SPAG16: variants seen among roughly 807,000 people sequenced by gnomAD.
SPAG16 encodes the protein sperm associated antigen 16.
In SPAG16, 86 loss-of-function variants were observed where a neutral mutation model predicts 80.4. The observed-to-expected ratio is 1.07, with a 90% confidence interval of 0.90 to 1.28. SPAG16 has a LOEUF of 1.28. Ranked by LOEUF, SPAG16 falls within the 50% of genes most tolerant of loss-of-function variation. SPAG16 has a pLI of 0.00. For synonymous variants in SPAG16, 294 were observed against 265.9 expected, an observed-to-expected ratio of 1.11 and a Z score of -1.03; for missense variants, 870 against 765.3, an observed-to-expected ratio of 1.14 and a Z score of -1.61.
At chr2:214,220,922 C>T (rs1169032125) in intron 15 of SPAG16, among the ~76,000 whole-genome samples, 1 of 152,082 alleles carries the variant, frequency 6.6e-6, no homozygotes. Context: ...GAGAGTGATT[C>T]AAACTCTCTG....
At chr2:214,034,352 A>G (rs1001561657) in intron 13 of SPAG16, among the ~76,000 whole-genome samples, 3 of 152,238 alleles carry the variant, frequency 2.0e-5, no homozygotes, top group Non-Finnish European at 4.4e-5. Context: ...TAAATATCCC[A>G]TGTGTTCTCC....
At chr2:213,711,876 C>G (rs946336688) in intron 10 of SPAG16, among the ~76,000 whole-genome samples, 1 of 152,032 alleles carries the variant, frequency 6.6e-6, no homozygotes, top group Admixed American at 6.6e-5. Flanking sequence ...ACTATGTATT[C>G]TAACATCAAG....
intron 12 of SPAG16, among the ~76,000 whole-genome samples, chr2:214,001,687 C>T (rs2046794728): frequency 6.6e-6 from 1 of 152,018 alleles, no homozygotes. Flanking sequence ...CAGTACATAC[C>T]TTGATGGTAC....
At chr2:214,192,217 C>T (rs1258216219) in intron 15 of SPAG16, among the ~76,000 whole-genome samples, 1 of 152,044 alleles carries the variant, frequency 6.6e-6, no homozygotes, top group Non-Finnish European at 1.5e-5. Flanking sequence ...GTGACAAGTT[C>T]AGAATATATT....
At chr2:213,463,377 G>A (rs968625335) in intron 9 of SPAG16, among the ~76,000 whole-genome samples, 1 of 152,232 alleles carries the variant, frequency 6.6e-6, no homozygotes, top group African/African-American at 2.4e-5. Flanking sequence ...AGACAATGGA[G>A]AAAACATCCT....
At chr2:213,983,252 AT>A (rs2045853745) in intron 12 of SPAG16, among the ~76,000 whole-genome samples, 3 of 151,992 alleles carry the variant, frequency 2.0e-5, no homozygotes, top group African/African-American at 7.2e-5. Flanking sequence ...TTTTCAGGTC[AT>A]TTGAAAATTT....
chr2:213,748,527 A>C lies in SPAG16; in HGVS notation c.1071-113958A>C, dbSNP rs191665803. On this transcript the variant is annotated intron_variant, in intron 10 of 15. Coordinates refer to ENST00000331683, the MANE Select transcript of SPAG16 (RefSeq NM_024532.5). ...TAGTTCTTTGTAAAATATTATTAGA[A>C]TATGTAAAAATAGCTCATGCTACTG... Among the ~76,000 whole-genome samples the C allele has an allele frequency of 1.4e-3, 206 of 152,210 alleles. 1 individual carries two copies. The highest frequency in any genetic ancestry group is 3.9e-4 in the East Asian group (2 of 5,190).
chr2:214,229,978 G>A (rs951332185), intron 15 of SPAG16, among the ~76,000 whole-genome samples: 1 of 151,686 alleles, frequency 6.6e-6, no homozygotes. Flanking sequence ...TTACACTCCA[G>A]CATTACATAT....
At position 213,930,211 on chromosome 2, in the gene SPAG16, GTTC is replaced by G. The variant is rs1406955685; in HGVS notation, c.1400+69_1400+71del. Reference sequence around the variant, plus strand: ...ACATATACGTGGGTAAAGTGGTAAAGTTCTTTTTTTTTTTTCCTTGATGCTACC... The same window carrying G: ...ACATATACGTGGGTAAAGTGGTAAAGTTTTTTTTTTTTCCTTGATGCTACC... On this transcript the variant is annotated intron_variant, in intron 12 of 15. Coordinates refer to ENST00000331683, the MANE Select transcript of SPAG16 (RefSeq NM_024532.5). 76 of 1,255,378 alleles carry G rather than the reference GTTC, an allele frequency of 6.1e-5. No individual in the cohort carries two copies. In the South Asian group the frequency reaches 7.7e-4, roughly 13 times the overall value. The allele number at this position is 1,255,378 out of a possible 1,614,324, so 77.8% of individuals were successfully genotyped here. A position where few individuals can be genotyped will look rare whatever the true frequency, so the allele number is the denominator to read the frequency against.
At chr2:213,380,744 C>A (rs570652177) in intron 9 of SPAG16, among the ~76,000 whole-genome samples, 1 of 152,294 alleles carries the variant, frequency 6.6e-6, no homozygotes, top group East Asian at 1.9e-4. Flanking sequence ...ATCCAAGAGG[C>A]CTCCGCTGTG....
intron 12 of SPAG16, among the ~76,000 whole-genome samples, chr2:213,988,122 A>G (rs1237305399): frequency 2.0e-5 from 3 of 151,984 alleles, no homozygotes; most frequent in African/African-American, 7.2e-5. Flanking sequence ...CTGTTCCAAG[A>G]GAGTGTTTTT....
At chr2:213,805,871 G>A (rs538062237) in intron 10 of SPAG16, among the ~76,000 whole-genome samples, 3 of 152,182 alleles carry the variant, frequency 2.0e-5, no homozygotes, top group Admixed American at 6.5e-5. Context: ...AATGCCTAAG[G>A]CATGGTAAAA....
intron 10 of SPAG16, among the ~76,000 whole-genome samples, chr2:213,823,802 T>G (rs1287611894): frequency 3.3e-5 from 5 of 152,352 alleles, no homozygotes; most frequent in Admixed American, 2.0e-4. Context: ...CCTTGTAAAT[T>G]ACGGATGTTA....
At chr2:214,215,252 T>C (rs1309762026) in intron 15 of SPAG16, among the ~76,000 whole-genome samples, 11 of 151,948 alleles carry the variant, frequency 7.2e-5, no homozygotes, top group Non-Finnish European at 4.4e-5. Context: ...TCCCAACTGA[T>C]CAGCTGGAAC....
intron 10 of SPAG16, among the ~76,000 whole-genome samples, chr2:213,567,803 G>A (rs1256814740): frequency 1.6e-5 from 1 of 63,838 alleles, no homozygotes. Context: ...CTGAGGAATC[G>A]CCACACTGAC....
chr2:214,177,301 A>G (rs897381333), intron 15 of SPAG16, among the ~76,000 whole-genome samples: 2 of 151,074 alleles, frequency 1.3e-5, no homozygotes, highest in Admixed American at 1.3e-4. Context: ...AAATGTATCT[A>G]TTTTGCTTGC....
chr2:213,490,064 T>C lies in SPAG16; in HGVS notation c.1044T>C (p.Phe348=), dbSNP rs1265750504. 6.2e-7 allele frequency: 1 copy of C among 1,604,068 alleles called. No homozygotes were observed. The highest frequency in any genetic ancestry group is 1.3e-5 in the African/African-American group (1 of 74,346). Residue 348 remains phenylalanine, a synonymous_variant, in exon 10 of 16, where the codon TTT becomes TTC. Transcript: ENST00000331683. ...AKFDYKLKNI[F]RLHELPVSCV... ...TTGACTACAAGCTGAAAAACATTTTTAGACTCCATGAACTTCCAGTGAGCT... is the reference window on the plus strand; with the variant it reads ...TTGACTACAAGCTGAAAAACATTTTCAGACTCCATGAACTTCCAGTGAGCT...
intron 15 of SPAG16, among the ~76,000 whole-genome samples, chr2:214,351,942 A>T (rs1478568912): frequency 1.6e-4 from 24 of 152,180 alleles, no homozygotes; most frequent in Admixed American, 1.6e-3. Flanking sequence ...ACAGAAACTT[A>T]TTTCCTACAG....
intron 15 of SPAG16, among the ~76,000 whole-genome samples, chr2:214,235,144 AC>A (rs1329838042): frequency 6.6e-6 from 1 of 152,196 alleles, no homozygotes; most frequent in African/African-American, 2.4e-5. Flanking sequence ...AAAGATTGTA[AC>A]TGAATATTTG....
Sources: gnomAD v4.1 joint callset for allele counts (sites outside exome capture counted in the v4.1 genomes callset) on GRCh38, gnomAD v4.1.1 for gene constraint, MANE v1.5 for transcripts, NCBI Gene and HGNC (gene_info 2026-07-23, HGNC 2026-07-21) for gene names.